The following FCRL1 variants were observed in gnomAD, a reference collection of about 807,000 sequenced individuals.
FCRL1 encodes the protein Fc receptor like 1.
Under a neutral mutation model 49.2 loss-of-function variants are expected in FCRL1, and 34 were observed. The ratio of observed to expected loss-of-function variants is 0.69; its 90% CI spans 0.53 to 0.92. The LOEUF (loss-of-function observed/expected upper bound fraction) is 0.92, where lower values mean the gene tolerates loss of function less well. Ranked by LOEUF, FCRL1 falls within the 40% of genes least tolerant of loss-of-function variation. The pLI is 0.00. For missense variants in FCRL1, 524 were observed against 524.1 expected (o/e 1.00, Z 0.00); for synonymous variants, 218 against 201.6 (o/e 1.08, Z -0.69).
At chr1:157,798,078 G>A in intron 8 of FCRL1, 83 bp downstream of exon 8, 2 of 1,522,104 alleles carry the variant, frequency 1.3e-6, no homozygotes, top group East Asian at 2.3e-5. Flanking sequence ...AGCAAAGTCA[G>A]GTTTGGCTAG....
At position 157,798,196 on chromosome 1, in the gene FCRL1, G is replaced by A; in HGVS notation, c.1079C>T (p.Pro360Leu). The A allele has an allele frequency of 1.9e-6, 3 of 1,613,312 alleles. No individual in the cohort carries two copies. Among genetic ancestry groups the A allele is most frequent in the Non-Finnish European group, 2.5e-6 (3 of 1,179,622 alleles). The change falls in exon 8 of 11, where the codon CCT becomes CTT. Residue 360 changes from proline to leucine, a missense_variant. Pro to Leu is a moderately conservative substitution (Grantham distance 98). Transcript: ENST00000368176. ...TATAGGCTGTAGCTGCCCTGGGGTA[G>A]GTGAGTTGAGGTAGGTGAACTCTTG... ...LPQEFTYLNS[P>L]TPGQLQPIYE... is the part of the protein sequence containing the mutation.
chr1:157,799,247 G>T (rs951374309), intron 7 of FCRL1, among the ~76,000 whole-genome samples: 6 of 152,054 alleles, frequency 3.9e-5, no homozygotes, highest in Admixed American at 1.3e-4. Flanking sequence ...TGATCTGCCC[G>T]CCTCAGCCTC....
At chr1:157,804,545 C>T (rs1226494730) in intron 2 of FCRL1, among the ~76,000 whole-genome samples, 1 of 152,164 alleles carries the variant, frequency 6.6e-6, no homozygotes, top group Non-Finnish European at 1.5e-5. Flanking sequence ...CTTCTGTTCC[C>T]TTTCCCCTGG....
chr1:157,820,094 C>T lies in FCRL1; in HGVS notation c.-57G>A. On this transcript the variant is annotated 5_prime_UTR_variant, in exon 1 of 11. Coordinates refer to ENST00000368176, the MANE Select transcript of FCRL1 (RefSeq NM_052938.5). Reference sequence around the variant, plus strand: ...GCCTCTCATCAAAAAAAGAATGCACCTCAGAGTCGAGCAGCAGCAGCTCAT... The same window carrying T: ...GCCTCTCATCAAAAAAAGAATGCACTTCAGAGTCGAGCAGCAGCAGCTCAT... The T allele has an allele frequency of 6.3e-7, 1 of 1,598,744 alleles. No individual in the cohort carries two copies. The highest frequency in any genetic ancestry group is 1.1e-5 in the South Asian group (1 of 90,682).
At chr1:157,807,707 T>C (rs1298766861) in intron 1 of FCRL1, among the ~76,000 whole-genome samples, 1 of 152,228 alleles carries the variant, frequency 6.6e-6, no homozygotes, top group Admixed American at 6.5e-5. Context: ...AATTCTCTTC[T>C]ATCCCAAGGA....
chr1:157,802,629 G>T lies in FCRL1; in HGVS notation c.355C>A (p.Pro119Thr). The change falls in exon 4 of 11, where the codon CCC becomes ACC. Residue 119 changes from proline to threonine, a missense_variant. Pro to Thr is a conservative substitution (Grantham distance 38). Transcript: ENST00000368176. ...CCCTCCATCACCTGTCCTCCTGGGGGCTGAGTCTCCAAGCTCACATCAGCG... is the reference window on the plus strand; with the variant it reads ...CCCTCCATCACCTGTCCTCCTGGGGTCTGAGTCTCCAAGCTCACATCAGCG... ...PVADVSLETQ[P>T]PGGQVMEGDR... 1 of 1,613,928 alleles carries T rather than the reference G, an allele frequency of 6.2e-7. No homozygotes were observed. Among genetic ancestry groups the T allele is most frequent in the Non-Finnish European group, 8.5e-7 (1 of 1,179,926 alleles).
At chr1:157,812,933 C>T (rs1195532108) in intron 1 of FCRL1, among the ~76,000 whole-genome samples, 1 of 152,072 alleles carries the variant, frequency 6.6e-6, no homozygotes, top group East Asian at 1.9e-4. Context: ...ATCTTGCCAC[C>T]ACCACCCTCA....
intron 1 of FCRL1, among the ~76,000 whole-genome samples, chr1:157,807,726 TA>T (rs754058147): frequency 1.3e-5 from 2 of 152,332 alleles, no homozygotes; most frequent in East Asian, 3.9e-4. Flanking sequence ...GACTTGACCA[TA>T]ATATTATGGC....
chr1:157,818,069 A>G (rs72710035), intron 1 of FCRL1, among the ~76,000 whole-genome samples: 24,092 of 152,162 alleles, frequency 0.16, 1,964 homozygotes, highest in East Asian at 0.23. Context: ...ACTGTAAATT[A>G]GAACAGCCAT....
chr1:157,797,437 G>A (rs1426576094), intron 9 of FCRL1, among the ~76,000 whole-genome samples: 2 of 152,152 alleles, frequency 1.3e-5, no homozygotes, highest in African/African-American at 2.4e-5. Flanking sequence ...AGCTGTGATG[G>A]GGTTATGAGG....
chr1:157,797,856 C>T lies in FCRL1; in HGVS notation c.1186+12G>A. On this transcript the variant is annotated intron_variant, in intron 9 of 10. Transcript: ENST00000368176. ...CAAAAGTCAGAGACAAATTTACTCCCCCATGTCTCACCTGCTACTGATTCC... is the reference window on the plus strand; with the variant it reads ...CAAAAGTCAGAGACAAATTTACTCCTCCATGTCTCACCTGCTACTGATTCC... 1.2e-6 allele frequency: 2 copies of T among 1,614,094 alleles called. No homozygotes were observed. Among genetic ancestry groups the T allele is most frequent in the Non-Finnish European group, 1.7e-6 (2 of 1,180,006 alleles).
At chr1:157,800,454 T>C (rs76305365) in intron 6 of FCRL1, among the ~76,000 whole-genome samples, 1 of 152,188 alleles carries the variant, frequency 6.6e-6, no homozygotes, top group Non-Finnish European at 1.5e-5. Context: ...ATATAGACGG[T>C]GTGAGGTACC....
chr1:157,795,988 C>A lies in FCRL1; in HGVS notation c.*111G>T. On this transcript the variant is annotated 3_prime_UTR_variant, in exon 11 of 11. Transcript: ENST00000368176. ...GAAGGAATAGTGCCATGGAGAATGG[C>A]ATCCAGAAGAGGTATACTGGAAAGC... 1 of 890,210 alleles carries A rather than the reference C, an allele frequency of 1.1e-6. No homozygotes were observed. The highest frequency in any genetic ancestry group is 1.9e-5 in the Admixed American group (1 of 53,544). 55.1% of individuals were successfully genotyped at this position (890,210 alleles called of 1,614,324 possible).
intron 2 of FCRL1, 142 bp from the exon 3 acceptor site, chr1:157,804,253 C>CCCA (rs1012398083): frequency 1.1e-6 from 1 of 942,120 alleles, no homozygotes; most frequent in African/African-American, 1.7e-5. Context: ...TCCACCCCCC[C>CCCA]CCCAGTGGCC....
intron 1 of FCRL1, among the ~76,000 whole-genome samples, chr1:157,817,510 A>T (rs1655206249): frequency 1.3e-5 from 2 of 152,126 alleles, no homozygotes. Flanking sequence ...ATCTCTCACC[A>T]TAGACAAAAA....
Position 157,802,481 on chromosome 1 carries a change from T to C in FCRL1, c.503A>G (p.Tyr168Cys). 6.2e-7 allele frequency: 1 copy of C among 1,614,208 alleles called. No homozygotes were observed. Among genetic ancestry groups the C allele is most frequent in the Non-Finnish European group, 8.5e-7 (1 of 1,180,020 alleles). ...ACTCTCCCTCACTGAAGGAATCTCA[T>C]ACTCTGCTGTCAGTGAACGCTGGGT... is the stretch of plus-strand genomic sequence containing the variant. Reference protein sequence around the residue: ...SKTQRSLTAEYEIPSVRESDA... With the variant: ...SKTQRSLTAECEIPSVRESDA... The change falls in exon 4 of 11, where the codon TAT becomes TGT. Residue 168 changes from tyrosine to cysteine, a missense_variant. Tyr to Cys is a radical substitution (Grantham distance 194, BLOSUM62 -2). Coordinates refer to ENST00000368176, the MANE Select transcript of FCRL1 (RefSeq NM_052938.5).
intron 10 of FCRL1, among the ~76,000 whole-genome samples, 199 bp from the exon 11 acceptor site, chr1:157,796,369 G>T (rs1383556910): frequency 6.6e-6 from 1 of 152,244 alleles, no homozygotes; most frequent in Non-Finnish European, 1.5e-5. Flanking sequence ...AGATGCTCCT[G>T]ATAAGCTGCA....
intron 8 of FCRL1, 22 bp from the exon 9 acceptor site, chr1:157,797,961 T>A (rs373976494): frequency 9.8e-5 from 158 of 1,611,296 alleles, no homozygotes; most frequent in Non-Finnish European, 1.2e-4. Flanking sequence ...GGAGGGAGAC[T>A]TCATGACACA....
At position 157,798,618 on chromosome 1, in the gene FCRL1, T is replaced by C. The variant is rs116952693; in HGVS notation, c.1032-375A>G. ...AGGAAGGGGCAGAAGAAAATGCTCC[T>C]TCATGTGCGGGTACCAGTGAAAAGT... On this transcript the variant is annotated intron_variant, in intron 7 of 10. Transcript: ENST00000368176. 1.2e-4 allele frequency among the ~76,000 whole-genome samples: 18 copies of C among 152,214 alleles called. No individual in the cohort carries two copies. In the East Asian group the frequency reaches 3.3e-3, roughly 28 times the overall value.
Sources: allele counts gnomAD v4.1 joint callset (sites outside exome capture counted in the v4.1 genomes callset), GRCh38; gene constraint gnomAD v4.1.1; transcripts MANE v1.5; gene names NCBI Gene and HGNC (gene_info 2026-07-23, HGNC 2026-07-21).